The following ELSPBP1 variants were observed in gnomAD, a reference collection of about 807,000 sequenced individuals.
ELSPBP1 encodes epididymal sperm binding protein 1.
A neutral mutation model predicts 33.3 loss-of-function variants in ELSPBP1; 38 were observed. That is an observed-to-expected ratio of 1.14 (90% CI 0.88 to 1.50). The LOEUF is 1.50. Ranked by LOEUF, ELSPBP1 falls within the 40% of genes most tolerant of loss-of-function variation. The probability of loss-of-function intolerance (pLI) is 0.00; values close to 1 mark genes in which losing one functional copy is unlikely to be tolerated. For missense variants in ELSPBP1, 267 were observed against 263.5 expected (o/e 1.01, Z -0.09); for synonymous variants, 85 against 94.1 (o/e 0.90, Z 0.56).
chr19:48,014,578 A>G (rs1967112437), intron 3 of ELSPBP1, among the ~76,000 whole-genome samples: 1 of 144,966 alleles, frequency 6.9e-6, no homozygotes, highest in South Asian at 2.3e-4. Context: ...AATGCTAAAG[A>G]CGAGTTAATG....
In ELSPBP1 at chr19:48,011,133, T is replaced by C. The variant is rs62129071; in HGVS notation, c.70+2396T>C. On this transcript the variant is annotated intron_variant, in intron 2 of 6. Coordinates refer to ENST00000339841, the MANE Select transcript of ELSPBP1 (RefSeq NM_022142.5). The surrounding 1 kb of genome is among the most constrained non-coding windows in gnomAD (Gnocchi z 4.5). ...ATGATGATGGTGACAGTGATGATGA[T>C]GACGATGATGATAATGATTATGACA... is the stretch of plus-strand genomic sequence containing the variant. Among the ~76,000 whole-genome samples, 1 of 136,590 alleles carries C rather than the reference T, an allele frequency of 7.3e-6. No homozygotes were observed. Among genetic ancestry groups the C allele is most frequent in the African/African-American group, 2.8e-5 (1 of 36,058 alleles). The allele number at this position is 136,590 out of a possible 152,430, so 89.6% of individuals were successfully genotyped here. A position where few individuals can be genotyped will look rare whatever the true frequency, so the allele number is the denominator to read the frequency against.
chr19:48,006,638 A>AAAAAAAAAAG lies in ELSPBP1; in HGVS notation c.-17-2008_-17-1999dup, dbSNP rs1568404369. Among the ~76,000 whole-genome samples, 16 of 92,178 alleles carry AAAAAAAAAAG rather than the reference A, an allele frequency of 1.7e-4. No individual in the cohort carries two copies. In the East Asian group the frequency reaches 3.0e-3, roughly 17 times the overall value. The allele number at this position is 92,178 out of a possible 152,430, so 60.5% of individuals were successfully genotyped here. On this transcript the variant is annotated intron_variant, in intron 1 of 6. Coordinates refer to ENST00000339841, the MANE Select transcript of ELSPBP1 (RefSeq NM_022142.5). Reference sequence around the variant, plus strand: ...CCCTGTCTCAAAAAAAAAAAAAAAAAAAAAAAAAAGAAAAGAAAAAGAAAA... The same window carrying AAAAAAAAAAG: ...CCCTGTCTCAAAAAAAAAAAAAAAAAAAAAAAAAAGAAAAAAAAAGAAAAGAAAAAGAAAA...
intron 3 of ELSPBP1, 150 bp from the exon 4 acceptor site, chr19:48,015,743 G>A: frequency 1.6e-6 from 1 of 640,172 alleles, no homozygotes; most frequent in Non-Finnish European, 2.6e-6. Flanking sequence ...GATGTATATG[G>A]CATAGGCAAA....
chr19:48,016,184 G>T, intron 4 of ELSPBP1, 145 bp downstream of exon 4: 1 of 935,524 alleles, frequency 1.1e-6, no homozygotes, highest in Non-Finnish European at 1.6e-6. Flanking sequence ...CAGAGAGTTC[G>T]CTATGACAAC....
At chr19:48,007,971 A>G (rs1273866216) in intron 1 of ELSPBP1, among the ~76,000 whole-genome samples, 1 of 152,112 alleles carries the variant, frequency 6.6e-6, no homozygotes, top group Non-Finnish European at 1.5e-5. Flanking sequence ...TTTCCATCAC[A>G]CTTTCCTAAG....
chr19:48,010,422 A>T (rs1456600366), intron 2 of ELSPBP1, among the ~76,000 whole-genome samples: 1 of 152,198 alleles, frequency 6.6e-6, no homozygotes, highest in East Asian at 1.9e-4. Flanking sequence ...ACACTTACTG[A>T]GTGATCTTTA....
At chr19:47,999,640 G>T (rs1411719955) in intron 1 of ELSPBP1, among the ~76,000 whole-genome samples, 2 of 151,708 alleles carry the variant, frequency 1.3e-5, no homozygotes, top group Admixed American at 1.3e-4. Flanking sequence ...CACCCACCTC[G>T]GCCTCCCAAA....
intron 2 of ELSPBP1, among the ~76,000 whole-genome samples, chr19:48,009,154 A>G (rs1282565665): frequency 7.2e-6 from 1 of 139,330 alleles, no homozygotes; most frequent in Non-Finnish European, 1.6e-5. Flanking sequence ...AAAAAAAAAA[A>G]TCTCAGAAGA....
rs143606609 is a variant in ELSPBP1, at chr19:48,022,837, G to A, written c.*7+503G>A. Among the ~76,000 whole-genome samples the A allele has an allele frequency of 2.2e-3, 337 of 151,364 alleles. 3 individuals are homozygous for A. Among genetic ancestry groups the A allele is most frequent in the African/African-American group, 7.9e-3 (326 of 41,280 alleles). ...AGGCCAAGGCAGGAGGATCAGTTGA[G>A]GCCAGGAGTTTGAGACCACCCTGGG... On this transcript the variant is annotated intron_variant, in intron 6 of 6. Coordinates refer to ENST00000339841, the MANE Select transcript of ELSPBP1 (RefSeq NM_022142.5).
intron 6 of ELSPBP1, among the ~76,000 whole-genome samples, chr19:48,024,514 A>C (rs1967249445): frequency 6.6e-6 from 1 of 152,188 alleles, no homozygotes; most frequent in African/African-American, 2.4e-5. Context: ...ACACTAAATT[A>C]GCGGGCCCTT....
intron 1 of ELSPBP1, among the ~76,000 whole-genome samples, chr19:47,998,473 G>T: frequency 6.6e-6 from 1 of 151,792 alleles, no homozygotes; most frequent in Non-Finnish European, 1.5e-5. Flanking sequence ...TAATGAGCCC[G>T]GGCATGCGCA....
At chr19:48,012,309 T>C (rs1967087649) in intron 2 of ELSPBP1, among the ~76,000 whole-genome samples, 1 of 151,992 alleles carries the variant, frequency 6.6e-6, no homozygotes, top group African/African-American at 2.4e-5. Flanking sequence ...GTTTGTTTTT[T>C]TGTAGAGATG....
In ELSPBP1 at chr19:48,015,925, C is replaced by T. The variant is rs148276275; in HGVS notation, c.241C>T (p.Arg81Ter). The T allele has an allele frequency of 6.8e-5, 110 of 1,613,032 alleles. No individual in the cohort carries two copies. The highest frequency in any genetic ancestry group is 5.0e-4 in the Middle Eastern group (3 of 6,036). Reference sequence around the variant, plus strand: ...ACGCTGTATCTTCCCTTTCATCTATCGAGGAAAGGCTTATAACAGCTGCAT... The same window carrying T: ...ACGCTGTATCTTCCCTTTCATCTATTGAGGAAAGGCTTATAACAGCTGCAT... ...YPRCIFPFIY[R>*]GKAYNSCISQ... Residue 81 changes from arginine to a stop codon, truncating the protein, a stop_gained, in exon 4 of 7, where the codon CGA becomes TGA. Transcript: ENST00000339841. LOFTEE classifies it high-confidence loss of function.
At chr19:48,001,977 A>G (rs761517200) in intron 1 of ELSPBP1, among the ~76,000 whole-genome samples, 1 of 152,062 alleles carries the variant, frequency 6.6e-6, no homozygotes, top group Non-Finnish European at 1.5e-5. Flanking sequence ...GATGACAATT[A>G]TGAGTTACCA....
intron 5 of ELSPBP1, among the ~76,000 whole-genome samples, chr19:48,021,151 A>C (rs148580243): frequency 6.6e-6 from 1 of 152,216 alleles, no homozygotes; most frequent in East Asian, 1.9e-4. Flanking sequence ...TACTCGCTAA[A>C]CTTTGTCACT....
chr19:48,005,227 A>G (rs551634901), intron 1 of ELSPBP1, among the ~76,000 whole-genome samples: 4 of 152,130 alleles, frequency 2.6e-5, no homozygotes, highest in Non-Finnish European at 5.9e-5. Context: ...AAGAAAAAAG[A>G]AAAAAACAAA....
chr19:48,023,605 G>A, intron 6 of ELSPBP1, among the ~76,000 whole-genome samples: 1 of 146,828 alleles, frequency 6.8e-6, no homozygotes, highest in Admixed American at 6.8e-5. Context: ...AGGGAGGGAG[G>A]GAGGGAAGAA....
In ELSPBP1 at chr19:48,016,133, A is replaced by C; in HGVS notation, c.355+94A>C. The C allele has an allele frequency of 4.8e-6, 7 of 1,458,760 alleles. No homozygotes were observed. In the South Asian group the frequency reaches 7.6e-5, roughly 16 times the overall value. The allele number at this position is 1,458,760 out of a possible 1,614,324, so 90.4% of individuals were successfully genotyped here. ...GGAGGCTGGGCAAGGTAGAGACCAG[A>C]GCACCCAGGGGGAAGTACTTACAGG... is the stretch of plus-strand genomic sequence containing the variant. On this transcript the variant is annotated intron_variant, in intron 4 of 6. Transcript: ENST00000339841.
chr19:48,016,550 TC>T (rs1568407536), intron 4 of ELSPBP1, among the ~76,000 whole-genome samples: 17 of 136,566 alleles, frequency 1.2e-4, no homozygotes, highest in South Asian at 4.7e-4. Context: ...CTTCCTTCCT[TC>T]CTTCCTTCCT....
Sources: allele counts gnomAD v4.1 joint callset (sites outside exome capture counted in the v4.1 genomes callset), GRCh38; gene constraint gnomAD v4.1.1; non-coding constraint Gnocchi (gnomAD v3.1); transcripts MANE v1.5; gene names NCBI Gene and HGNC (gene_info 2026-07-23, HGNC 2026-07-21).